DARS2: variants seen among roughly 807,000 people sequenced by gnomAD.
DARS2 encodes aspartate--tRNA ligase, mitochondrial.
DARS2 carries 63 observed loss-of-function variants against 83.0 expected under a neutral mutation model. The ratio of observed to expected loss-of-function variants is 0.76; its 90% confidence interval spans 0.62 to 0.94. The LOEUF is 0.94. Ranked by LOEUF, DARS2 falls within the 40% of genes least tolerant of loss-of-function variation. DARS2 has a pLI of 0.00. For synonymous variants in DARS2, 250 were observed against 269.3 expected (o/e 0.93, Z 0.70); for missense variants, 675 against 774.4 (o/e 0.87, Z 1.52).
intron 6 of DARS2, 92 bp downstream of exon 6, chr1:173,833,591 T>C: frequency 2.0e-6 from 3 of 1,511,466 alleles, no homozygotes; most frequent in Non-Finnish European, 2.7e-6. Flanking sequence ...TAGCATGAGG[T>C]CAAGATGTTG....
intron 11 of DARS2, among the ~76,000 whole-genome samples, chr1:173,844,302 C>A (rs1402801590): frequency 6.6e-6 from 1 of 152,108 alleles, no homozygotes; most frequent in Non-Finnish European, 1.5e-5. Context: ...CAGTTGTAGA[C>A]ATTCATGTTG....
intron 7 of DARS2, 116 bp from the exon 8 acceptor site, chr1:173,836,824 G>T (rs903924859): frequency 1.4e-5 from 12 of 862,548 alleles, no homozygotes; most frequent in Middle Eastern, 2.9e-4. Context: ...TAGGAACTTT[G>T]TTCTTTAGTC....
At position 173,825,343 on chromosome 1, in the gene DARS2, G is replaced by A. The variant is rs769543520; in HGVS notation, c.114G>A (p.Gln38=). 1.4e-5 allele frequency: 23 copies of A among 1,613,402 alleles called. No homozygotes were observed. The highest frequency in any genetic ancestry group is 1.9e-5 in the Non-Finnish European group (22 of 1,179,720). ...ACAGAAGTCTGTTGCAGAGTTCACA[G>A]AGGAGAATTCCAGGTGAAAATAGCG... ...SLYRSLLQSS[Q]RRIPEFSSFV... is the part of the protein sequence containing the mutation. The change falls in exon 1 of 17, where the codon CAG becomes CAA. Residue 38 remains glutamine, a synonymous_variant. Transcript: ENST00000649689.
Position 173,854,432 on chromosome 1 carries a change from G to C in DARS2, c.1674+527G>C, listed in dbSNP as rs149485617. ...ATATTAAATGCTTAAATAGTATCTG[G>C]CACATAGCACTATTAAACAGTACTA... is the stretch of plus-strand genomic sequence containing the variant. On this transcript the variant is annotated intron_variant, in intron 15 of 16. Coordinates refer to ENST00000649689, the MANE Select transcript of DARS2 (RefSeq NM_018122.5). Among the ~76,000 whole-genome samples, 424 of 152,094 alleles carry C rather than the reference G, an allele frequency of 2.8e-3. 3 individuals carry two copies. Among genetic ancestry groups the C allele is most frequent in the African/African-American group, 1.0e-2 (414 of 41,478 alleles).
rs952422471 is a variant in DARS2, at chr1:173,857,891, A to G, written c.*186A>G. 7 of 673,352 alleles carry G rather than the reference A, an allele frequency of 1.0e-5. No homozygotes were observed. The African/African-American group carries it at 1.3e-4, about 12-fold the overall frequency. The allele number at this position is 673,352 out of a possible 1,614,324, so 41.7% of individuals were successfully genotyped here. A position where few individuals can be genotyped will look rare whatever the true frequency, so the allele number is the denominator to read the frequency against. On this transcript the variant is annotated 3_prime_UTR_variant, in exon 17 of 17. Coordinates refer to ENST00000649689, the MANE Select transcript of DARS2 (RefSeq NM_018122.5). ...AGATACCCAATTTTGACTTGATTTC[A>G]TGCATCATTTGGATTTTTTTTGGTT...
At chr1:173,853,720 A>G in intron 14 of DARS2, 75 bp from the exon 15 acceptor site, 1 of 1,517,158 alleles carries the variant, frequency 6.6e-7, no homozygotes, top group Non-Finnish European at 9.2e-7. Flanking sequence ...GTCTTTAAAA[A>G]TCTACAGGGT....
At chr1:173,839,939 A>G (rs900800146) in intron 10 of DARS2, among the ~76,000 whole-genome samples, 57 of 152,240 alleles carry the variant, frequency 3.7e-4, no homozygotes, top group African/African-American at 1.3e-3. Context: ...TATTCAAATT[A>G]TTACTATCTG....
chr1:173,830,452 C>A (rs1233056898), intron 3 of DARS2, among the ~76,000 whole-genome samples: 1 of 152,120 alleles, frequency 6.6e-6, no homozygotes, highest in Non-Finnish European at 1.5e-5. Context: ...AAGCTCTTAA[C>A]TAATAGTTTT....
chr1:173,854,618 G>T (rs1023372545), intron 15 of DARS2, among the ~76,000 whole-genome samples: 1 of 152,078 alleles, frequency 6.6e-6, no homozygotes, highest in South Asian at 2.1e-4. Context: ...TTGAATCCAG[G>T]TGAGGTGGCT....
intron 12 of DARS2, among the ~76,000 whole-genome samples, chr1:173,846,526 C>T (rs1453889015): frequency 2.0e-5 from 3 of 150,846 alleles, no homozygotes; most frequent in African/African-American, 4.9e-5. Context: ...GGCACGGAAG[C>T]GCATACCTGT....
chr1:173,831,021 A>G (rs1652776931), intron 4 of DARS2, among the ~76,000 whole-genome samples: 1 of 152,220 alleles, frequency 6.6e-6, no homozygotes, highest in East Asian at 1.9e-4. Context: ...GGTTCAAGTG[A>G]TTCTCCTGCC....
chr1:173,855,326 T>A (rs1488692832), intron 15 of DARS2, among the ~76,000 whole-genome samples: 1 of 152,126 alleles, frequency 6.6e-6, no homozygotes, highest in Non-Finnish European at 1.5e-5. Context: ...GGTCTCGAAC[T>A]CCTGACCTCA....
chr1:173,844,669 C>CAAAAAAAAAAAA (rs549839808), intron 11 of DARS2, among the ~76,000 whole-genome samples: 6 of 29,930 alleles, frequency 2.0e-4, no homozygotes, highest in African/African-American at 3.2e-4. Context: ...GACTCCATCG[C>CAAAAAAAAAAAA]AAAAAAAAAA....
chr1:173,834,713 CTTTCCT>C (rs1192901495), intron 7 of DARS2, among the ~76,000 whole-genome samples, 194 bp downstream of exon 7: 1 of 8,860 alleles, frequency 1.1e-4, no homozygotes, highest in Non-Finnish European at 2.9e-4. Context: ...CATAAATTTT[CTTTCCT>C]TTGAGTTTTT....
chr1:173,838,215 C>G lies in DARS2; in HGVS notation c.796C>G (p.Arg266Gly). 6.2e-7 allele frequency: 1 copy of G among 1,613,578 alleles called. No homozygotes were observed. Among genetic ancestry groups the G allele is most frequent in the Non-Finnish European group, 8.5e-7 (1 of 1,179,580 alleles). Residue 266 changes from arginine to glycine, a missense_variant, in exon 9 of 17, where the codon CGA becomes GGA. By Grantham distance (125) the Arg-to-Gly change is moderately radical (BLOSUM62 -2). Transcript: ENST00000649689. ...DRYFQVARCY[R>G]DEGSRPDRQP... ...ATATTTTCAGGTTGCCCGATGTTAT[C>G]GAGATGAAGGTTCAAGACCAGACAG...
chr1:173,827,464 C>G (rs977107002), intron 2 of DARS2, among the ~76,000 whole-genome samples: 1 of 152,046 alleles, frequency 6.6e-6, no homozygotes, highest in African/African-American at 2.4e-5. Flanking sequence ...CCCGTCTCTA[C>G]TAAAAATACA....
At chr1:173,830,948 C>T (rs1485236421) in intron 4 of DARS2, among the ~76,000 whole-genome samples, 187 bp downstream of exon 4, 1 of 152,154 alleles carries the variant, frequency 6.6e-6, no homozygotes, top group South Asian at 2.1e-4. Context: ...TGCTAAGTCT[C>T]ACTCTGTCAC....
chr1:173,830,799 G>A, intron 4 of DARS2, 38 bp downstream of exon 4: 1 of 1,509,986 alleles, frequency 6.6e-7, no homozygotes, highest in Non-Finnish European at 9.2e-7. Flanking sequence ...ATTTTTGCTT[G>A]TATGCATTTG....
chr1:173,828,313 T>TGGGGCG lies in DARS2; in HGVS notation c.228-20_228-19insGGGGCG. The TGGGGCG allele has an allele frequency of 1.6e-6, 2 of 1,231,098 alleles. No individual in the cohort carries two copies. The highest frequency in any genetic ancestry group is 2.3e-6 in the Non-Finnish European group (2 of 867,448). The allele number at this position is 1,231,098 out of a possible 1,614,324, so 76.3% of individuals were successfully genotyped here. A position where few individuals can be genotyped will look rare whatever the true frequency, so the allele number is the denominator to read the frequency against. On this transcript the variant is annotated intron_variant, in intron 2 of 16. Coordinates refer to ENST00000649689, the MANE Select transcript of DARS2 (RefSeq NM_018122.5). ...AGATTTTATCTTAAAATGTTTCTTT[T>TGGGGCG]CCCCCCCCCCATTAATCAGGCAAAA... is the stretch of plus-strand genomic sequence containing the variant.
Sources: gnomAD v4.1 joint callset for allele counts (sites outside exome capture counted in the v4.1 genomes callset) on GRCh38, gnomAD v4.1.1 for gene constraint, MANE v1.5 for transcripts, NCBI Gene and HGNC (gene_info 2026-07-23, HGNC 2026-07-21) for gene names.